The following IMMP2L variants were observed in gnomAD, a reference collection of about 807,000 sequenced individuals.
IMMP2L encodes mitochondrial inner membrane protease subunit 2.
In IMMP2L, 18 loss-of-function variants were observed where a neutral mutation model predicts 19.3. The observed-to-expected ratio is 0.93, with a 90% CI of 0.64 to 1.38. The LOEUF is 1.38. Among genes scored for constraint, IMMP2L ranks in the 40% most tolerant of loss-of-function variants. The pLI is 0.00. For synonymous variants in IMMP2L, 76 were observed against 73.0 expected, an observed-to-expected ratio of 1.04 and a Z score of -0.21; for missense variants, 233 against 218.2, an observed-to-expected ratio of 1.07 and a Z score of -0.43.
chr7:110,871,277 T>TA (rs1388893112), intron 5 of IMMP2L, among the ~76,000 whole-genome samples: 1 of 152,066 alleles, frequency 6.6e-6, no homozygotes, highest in Non-Finnish European at 1.5e-5. Flanking sequence ...CATCTGGAGA[T>TA]ACGAATCTGA....
chr7:110,985,237 A>T (rs1821733355), intron 3 of IMMP2L, among the ~76,000 whole-genome samples: 1 of 152,256 alleles, frequency 6.6e-6, no homozygotes, highest in South Asian at 2.1e-4. Flanking sequence ...CTATAACATA[A>T]TAAACATTTG....
chr7:111,404,510 G>A (rs1324204448), intron 3 of IMMP2L, among the ~76,000 whole-genome samples: 1 of 152,000 alleles, frequency 6.6e-6, no homozygotes, highest in Admixed American at 6.6e-5. Flanking sequence ...ATGCTTTCTG[G>A]AACTCTTTTT....
intron 3 of IMMP2L, among the ~76,000 whole-genome samples, chr7:111,014,300 A>G (rs1226674288): frequency 1.3e-5 from 2 of 152,072 alleles, no homozygotes; most frequent in Non-Finnish European, 2.9e-5. Context: ...GGTTGCAGTG[A>G]GCCGAGATTG....
At chr7:111,424,457 C>G (rs932498041) in intron 3 of IMMP2L, among the ~76,000 whole-genome samples, 3 of 151,660 alleles carry the variant, frequency 2.0e-5, no homozygotes, top group Non-Finnish European at 4.4e-5. Flanking sequence ...GGCCAGTGTC[C>G]CAGACTAAGC....
intron 5 of IMMP2L, among the ~76,000 whole-genome samples, chr7:110,834,344 T>C (rs559777926): frequency 7.8e-6 from 1 of 128,416 alleles, no homozygotes; most frequent in East Asian, 2.5e-4. Flanking sequence ...CTGGTCATAT[T>C]AACACAAAGT....
chr7:111,348,048 A>C (rs1487878312), intron 3 of IMMP2L, among the ~76,000 whole-genome samples: 1 of 150,176 alleles, frequency 6.7e-6, no homozygotes, highest in Non-Finnish European at 1.5e-5. Flanking sequence ...ACAGAAAACC[A>C]AATACTGCAT....
Position 111,056,294 on chromosome 7 carries a change from T to C in IMMP2L, c.240-92729A>G, listed in dbSNP as rs570896610. 4.3e-4 allele frequency among the ~76,000 whole-genome samples: 66 copies of C among 152,328 alleles called. 2 individuals carry two copies. In the South Asian group the frequency reaches 0.01, roughly 24 times the overall value. The stretch of plus-strand genomic sequence containing the variant: ...CTTCTGTCAACCATATAGCAGAACA[T>C]GGCAATTTTGCTCAGTGATATCTTC... On this transcript the variant is annotated intron_variant, in intron 3 of 5. Coordinates refer to ENST00000405709, the MANE Select transcript of IMMP2L (RefSeq NM_032549.4).
At chr7:111,550,513 G>A in intron 1 of IMMP2L, among the ~76,000 whole-genome samples, 1 of 152,126 alleles carries the variant, frequency 6.6e-6, no homozygotes, top group East Asian at 1.9e-4. Context: ...TCTGGTGGGG[G>A]ATGTTGATCA....
chr7:110,674,758 A>G (rs1792173415), intron 5 of IMMP2L, among the ~76,000 whole-genome samples: 1 of 152,224 alleles, frequency 6.6e-6, no homozygotes, highest in African/African-American at 2.4e-5. Context: ...CTTCACAGTC[A>G]CATCCTTCCA....
chr7:111,164,157 AAGGAAGGCAGGAAGGC>A (rs1252844422), intron 3 of IMMP2L, among the ~76,000 whole-genome samples: 5 of 150,994 alleles, frequency 3.3e-5, no homozygotes, highest in African/African-American at 7.3e-5. Flanking sequence ...GGAAGGAAGG[AAGGAAGGCAGGAAGGC>A]AGAAAGGCAG....
At chr7:111,410,379 G>GA (rs1834293325) in intron 3 of IMMP2L, among the ~76,000 whole-genome samples, 2 of 151,698 alleles carry the variant, frequency 1.3e-5, no homozygotes, top group African/African-American at 4.9e-5. Flanking sequence ...GGGTGGTGGG[G>GA]AGAGAGACCA....
chr7:111,067,092 A>G (rs1794578776), intron 3 of IMMP2L, among the ~76,000 whole-genome samples: 1 of 152,146 alleles, frequency 6.6e-6, no homozygotes, highest in Non-Finnish European at 1.5e-5. Flanking sequence ...ACTTTCCTGG[A>G]CCTGCTCTAT....
chr7:110,986,233 C>T (rs1454461138), intron 3 of IMMP2L, among the ~76,000 whole-genome samples: 3 of 151,998 alleles, frequency 2.0e-5, no homozygotes, highest in South Asian at 4.1e-4. Context: ...AAAGTTTGAG[C>T]TTTTCCTGGT....
At chr7:110,775,882 C>G (rs149146752) in intron 5 of IMMP2L, among the ~76,000 whole-genome samples, 9 of 151,762 alleles carry the variant, frequency 5.9e-5, no homozygotes, top group Non-Finnish European at 1.2e-4. Context: ...ACGCATTACC[C>G]TGGTTCTGTG....
At chr7:111,198,423 T>C (rs1021206218) in intron 3 of IMMP2L, among the ~76,000 whole-genome samples, 1 of 152,118 alleles carries the variant, frequency 6.6e-6, no homozygotes, top group Non-Finnish European at 1.5e-5. Flanking sequence ...CAGTTATTAT[T>C]ACCCTATGGG....
intron 3 of IMMP2L, among the ~76,000 whole-genome samples, chr7:111,333,272 T>C (rs1826055448): frequency 6.6e-6 from 1 of 152,104 alleles, no homozygotes; most frequent in South Asian, 2.1e-4. Flanking sequence ...ATGTATATAT[T>C]TGTACAAGAA....
At chr7:111,004,865 T>A (rs1000699148) in intron 3 of IMMP2L, among the ~76,000 whole-genome samples, 4 of 152,130 alleles carry the variant, frequency 2.6e-5, no homozygotes, top group Non-Finnish European at 5.9e-5. Context: ...GGAATAAAAA[T>A]AAAAGGTAGA....
chr7:111,201,241 G>A (rs536305268), intron 3 of IMMP2L, among the ~76,000 whole-genome samples: 17 of 149,462 alleles, frequency 1.1e-4, no homozygotes, highest in Non-Finnish European at 2.1e-4. Context: ...AATGAAAATC[G>A]ATGTGTTATC....
intron 3 of IMMP2L, among the ~76,000 whole-genome samples, chr7:111,178,978 C>T (rs1344591083): frequency 1.3e-5 from 2 of 151,954 alleles, no homozygotes; most frequent in Non-Finnish European, 2.9e-5. Context: ...TTTCAATTTA[C>T]TTTTCCCAGA....
Sources: allele counts gnomAD v4.1 joint callset (sites outside exome capture counted in the v4.1 genomes callset), GRCh38; gene constraint gnomAD v4.1.1; transcripts MANE v1.5; gene names NCBI Gene and HGNC (gene_info 2026-07-23, HGNC 2026-07-21).